The following PFKP variants were observed in gnomAD, a reference collection of about 807,000 sequenced individuals.
The protein encoded by PFKP is ATP-dependent 6-phosphofructokinase, platelet type.
In PFKP, 101 loss-of-function variants were observed where a neutral mutation model predicts 94.3. The ratio of observed to expected loss-of-function variants is 1.07; its 90% CI spans 0.91 to 1.26. The LOEUF is 1.26. Ranked by LOEUF, PFKP falls within the 50% of genes most tolerant of loss-of-function variation. The pLI is 0.00. For synonymous variants in PFKP, 573 were observed against 432.6 expected, an observed-to-expected ratio of 1.32 and a Z score of -4.03; for missense variants, 1,145 against 1,103.3, an observed-to-expected ratio of 1.04 and a Z score of -0.53.
rs191387043 is a variant in PFKP at position 3,123,324 on chromosome 10, G to A, written c.1683+3280G>A. 5.9e-5 allele frequency among the ~76,000 whole-genome samples: 9 copies of A among 152,364 alleles called. 1 individual carries two copies. Among genetic ancestry groups the A allele is most frequent in the African/African-American group, 1.7e-4 (7 of 41,590 alleles). Reference sequence around the variant, plus strand: ...AAGGTGGCAGTGACCACAGCCTCGTGACTGATTCACAGCCTGGCTGCGCTT... The same window carrying A: ...AAGGTGGCAGTGACCACAGCCTCGTAACTGATTCACAGCCTGGCTGCGCTT... On this transcript the variant is annotated intron_variant, in intron 16 of 21. Transcript: ENST00000381125.
intron 4 of PFKP, among the ~76,000 whole-genome samples, chr10:3,103,134 C>A (rs907198160): frequency 6.6e-6 from 1 of 152,252 alleles, no homozygotes; most frequent in Non-Finnish European, 1.5e-5. Context: ...GTAATTGTAA[C>A]GTATCCTGTT....
In PFKP at chr10:3,130,247, AAT is replaced by A. The variant is rs201190799; in HGVS notation, c.1848+265_1848+266del. Among the ~76,000 whole-genome samples the A allele has an allele frequency of 4.4e-3, 665 of 152,232 alleles. 4 individuals are homozygous for A. The highest frequency in any genetic ancestry group is 0.014 in the Middle Eastern group (4 of 294). On this transcript the variant is annotated intron_variant, in intron 17 of 21. Coordinates refer to ENST00000381125, the MANE Select transcript of PFKP (RefSeq NM_002627.5). The stretch of plus-strand genomic sequence containing the variant: ...GTTTGACATAGTCTGTTGTGTAGTT[AAT>A]GTTGTCTCACTTATGTCACCAATGA...
chr10:3,078,371 TC>T (rs571652880), intron 1 of PFKP, among the ~76,000 whole-genome samples: 46 of 152,312 alleles, frequency 3.0e-4, no homozygotes, highest in African/African-American at 8.4e-4. Flanking sequence ...TTCTTCTCCC[TC>T]CAAACCCCTC....
intron 2 of PFKP, among the ~76,000 whole-genome samples, chr10:3,090,964 G>T (rs1167938202): frequency 1.3e-5 from 2 of 152,108 alleles, no homozygotes; most frequent in South Asian, 2.1e-4. Flanking sequence ...AATTAAAGGG[G>T]TTTGTTTTTT....
intron 8 of PFKP, chr10:3,107,800 C>G (rs1014720089): frequency 1.4e-5 from 17 of 1,210,782 alleles, no homozygotes; most frequent in Non-Finnish European, 1.8e-5. Context: ...CTTTGGCAGG[C>G]TTTGGCAGGC....
chr10:3,123,321 C>T (rs1050624746), intron 16 of PFKP, among the ~76,000 whole-genome samples: 4 of 152,202 alleles, frequency 2.6e-5, no homozygotes, highest in Admixed American at 6.5e-5. Flanking sequence ...ACCACAGCCT[C>T]GTGACTGATT....
At chr10:3,090,934 CAGTT>C (rs1312387565) in intron 2 of PFKP, among the ~76,000 whole-genome samples, 2 of 152,146 alleles carry the variant, frequency 1.3e-5, no homozygotes, top group African/African-American at 4.8e-5. Context: ...CAGACCAGGA[CAGTT>C]AAACAGGTTA....
At chr10:3,100,457 G>T (rs1037198003) in intron 3 of PFKP, among the ~76,000 whole-genome samples, 1 of 152,148 alleles carries the variant, frequency 6.6e-6, no homozygotes, top group Non-Finnish European at 1.5e-5. Flanking sequence ...GCTTTTCTGG[G>T]ATTTGGAATA....
At chr10:3,111,902 C>A (rs1836272450) in intron 10 of PFKP, among the ~76,000 whole-genome samples, 1 of 152,182 alleles carries the variant, frequency 6.6e-6, no homozygotes, top group Non-Finnish European at 1.5e-5. Flanking sequence ...TTTCCTCTGG[C>A]TTTGTTCTCT....
intron 13 of PFKP, among the ~76,000 whole-genome samples, chr10:3,115,326 CACG>C (rs1836685638): frequency 2.2e-5 from 3 of 137,022 alleles, no homozygotes; most frequent in African/African-American, 7.7e-5. Flanking sequence ...GTGTGTGTCC[CACG>C]GCGGAGGACA....
chr10:3,086,562 C>T (rs1163337709), intron 2 of PFKP, among the ~76,000 whole-genome samples: 1 of 152,162 alleles, frequency 6.6e-6, no homozygotes, highest in Admixed American at 6.5e-5. Context: ...GATGCTACCG[C>T]ACATCCTACG....
chr10:3,128,766 G>A (rs529250643), intron 16 of PFKP, among the ~76,000 whole-genome samples: 13 of 152,190 alleles, frequency 8.5e-5, no homozygotes, highest in Non-Finnish European at 1.8e-4. Context: ...CTTTATCACC[G>A]CATGAGGGAG....
rs560979915 is a variant in PFKP at position 3,103,779 on chromosome 10, G to A, written c.455G>A (p.Gly152Asp). The change falls in exon 5 of 22, where the codon GGC (glycine) becomes GAC (aspartate). Residue 152 changes from glycine (G) to aspartate (D), a missense_variant and splice_region_variant. Physicochemically the swap from Gly to Asp is moderately conservative, Grantham distance 94 (BLOSUM62 -1). Coordinates refer to ENST00000381125, the MANE Select transcript of PFKP (RefSeq NM_002627.5). ...SGLLEELARN[G>D]QIDKEAVQKY... ...GACGTGCTGTTTGCTCCCCGCGCAG[G>A]CCAGATCGATAAGGAGGCCGTGCAG... 2.5e-6 allele frequency: 4 copies of A among 1,613,884 alleles called. No homozygotes were observed. In the East Asian group the frequency reaches 6.7e-5, roughly 27 times the overall value.
At chr10:3,118,136 G>C (rs1837014790) in intron 14 of PFKP, among the ~76,000 whole-genome samples, 1 of 152,140 alleles carries the variant, frequency 6.6e-6, no homozygotes, top group South Asian at 2.1e-4. Flanking sequence ...ATCAATAGTG[G>C]ATAATGCATA....
At chr10:3,087,984 C>T (rs200331813) in intron 2 of PFKP, among the ~76,000 whole-genome samples, 157 of 96,546 alleles carry the variant, frequency 1.6e-3, no homozygotes, top group African/African-American at 1.8e-3. Flanking sequence ...ATCTTTCATT[C>T]TTTTTTTTTT....
rs747623416 is a variant in PFKP, at chr10:3,136,616, A to ACTGT, written c.*42_*45dup. On this transcript the variant is annotated 3_prime_UTR_variant, in exon 22 of 22. Transcript: ENST00000381125. ...CTGCATGTGCCTGCAGCCACCGTGGACTGTCTGTTTTTGTAACACTTAAGT... is the reference window on the plus strand; with the variant it reads ...CTGCATGTGCCTGCAGCCACCGTGGACTGTCTGTCTGTTTTTGTAACACTTAAGT... 56 of 1,605,120 alleles carry ACTGT rather than the reference A, an allele frequency of 3.5e-5. No individual in the cohort carries two copies. The Middle Eastern group carries it at 6.7e-4, about 19-fold the overall frequency.
At chr10:3,121,581 G>T (rs1010450163) in intron 16 of PFKP, among the ~76,000 whole-genome samples, 15 of 133,078 alleles carry the variant, frequency 1.1e-4, no homozygotes, top group South Asian at 7.3e-4. Context: ...ATAAATAACT[G>T]TTTTTTTTTT....
At position 3,133,750 on chromosome 10, in the gene PFKP, G is replaced by C. The variant is rs1160662075; in HGVS notation, c.2022+436G>C. Among the ~76,000 whole-genome samples, 4 of 152,318 alleles carry C rather than the reference G, an allele frequency of 2.6e-5. No individual in the cohort carries two copies. The East Asian group carries it at 7.7e-4, about 29-fold the overall frequency. ...CCAGCCAAAACATCTGAACTTTTAA[G>C]TGATGCCAAACATCACCAGCTTTAG... is the stretch of plus-strand genomic sequence containing the variant. On this transcript the variant is annotated intron_variant, in intron 19 of 21. Coordinates refer to ENST00000381125, the MANE Select transcript of PFKP (RefSeq NM_002627.5).
intron 17 of PFKP, among the ~76,000 whole-genome samples, 165 bp from the exon 18 acceptor site, chr10:3,132,211 TCCTC>T (rs1838668565): frequency 6.6e-6 from 1 of 152,302 alleles, no homozygotes; most frequent in East Asian, 1.9e-4. Context: ...TGCAGACGTG[TCCTC>T]CCTATCTGGG....
Sources: gnomAD v4.1 joint callset for allele counts (sites outside exome capture counted in the v4.1 genomes callset) on GRCh38, gnomAD v4.1.1 for gene constraint, MANE v1.5 for transcripts, NCBI Gene and HGNC (gene_info 2026-07-23, HGNC 2026-07-21) for gene names.